Variants in NAV2 observed in about 807,000 individuals in gnomAD.
The protein encoded by NAV2 is helicase, APC down-regulated 1.
NAV2 carries 54 observed loss-of-function variants against 223.2 expected under a neutral mutation model. The ratio of observed to expected loss-of-function variants is 0.24; its 90% CI spans 0.19 to 0.30. The LOEUF (loss-of-function observed/expected upper bound fraction) is 0.30. Ranked by LOEUF, NAV2 falls within the 10% of genes least tolerant of loss-of-function variation. NAV2 has a pLI of 1.00. For synonymous variants in NAV2, 1,279 were observed against 1,239.3 expected (o/e 1.03, Z -0.67); for missense variants, 2,806 against 3,147.5 (o/e 0.89, Z 2.60).
intron 1 of NAV2, among the ~76,000 whole-genome samples, chr11:19,588,657 A>G (rs570553259): frequency 2.0e-3 from 300 of 152,356 alleles, no homozygotes; most frequent in Non-Finnish European, 3.4e-3. Flanking sequence ...AGATCACTGG[A>G]GGCAGAATGA....
chr11:19,430,249 T>A (rs993273353), intron 1 of NAV2, among the ~76,000 whole-genome samples: 1 of 152,184 alleles, frequency 6.6e-6, no homozygotes, highest in African/African-American at 2.4e-5. Context: ...CGCTTGGCCA[T>A]CCAATCACCT....
At chr11:19,903,115 T>C (rs1555134717) in intron 6 of NAV2, among the ~76,000 whole-genome samples, 1 of 152,184 alleles carries the variant, frequency 6.6e-6, no homozygotes, top group Non-Finnish European at 1.5e-5. Context: ...CAGCTTGCCT[T>C]TGTGATTCCA....
intron 1 of NAV2, among the ~76,000 whole-genome samples, chr11:19,367,934 A>G (rs1448441990): frequency 6.6e-6 from 1 of 152,182 alleles, no homozygotes; most frequent in South Asian, 2.1e-4. Context: ...CATTCAATGC[A>G]TTCCTCCTTC....
At chr11:20,029,789 A>C (rs1430800977) in intron 11 of NAV2, among the ~76,000 whole-genome samples, 1 of 152,220 alleles carries the variant, frequency 6.6e-6, no homozygotes, top group Non-Finnish European at 1.5e-5. Flanking sequence ...ATTGGCTAAA[A>C]ATATGTGAAG....
In NAV2 at chr11:19,918,678, A is replaced by G. The variant is rs572236022; in HGVS notation, c.932-14498A>G. Reference sequence around the variant, plus strand: ...TTTGCCCTGATCAAGTGCAGAATCTATATATTTTGTTATCTTGAGTTTGAT... The same window carrying G: ...TTTGCCCTGATCAAGTGCAGAATCTGTATATTTTGTTATCTTGAGTTTGAT... On this transcript the variant is annotated intron_variant, in intron 6 of 37. Coordinates refer to ENST00000349880, the MANE Select transcript of NAV2 (RefSeq NM_145117.5). 1.9e-4 allele frequency among the ~76,000 whole-genome samples: 29 copies of G among 152,294 alleles called. No homozygotes were observed. In the South Asian group the frequency reaches 5.8e-3, roughly 30 times the overall value.
intron 1 of NAV2, among the ~76,000 whole-genome samples, chr11:19,390,390 C>T (rs756542431): frequency 6.6e-6 from 1 of 152,166 alleles, no homozygotes; most frequent in African/African-American, 2.4e-5. Context: ...AAAGCCTAAT[C>T]CTGCTTCCCT....
chr11:19,922,858 C>G (rs554281917), intron 6 of NAV2, among the ~76,000 whole-genome samples: 1 of 152,268 alleles, frequency 6.6e-6, no homozygotes, highest in African/African-American at 2.4e-5. Context: ...GAATGTCATT[C>G]CTGTGTTAAT....
chr11:19,963,264 C>T (rs1031022200), intron 10 of NAV2, among the ~76,000 whole-genome samples: 13 of 152,166 alleles, frequency 8.5e-5, no homozygotes, highest in South Asian at 6.2e-4. Flanking sequence ...TTTCTCGTCC[C>T]AGTTTTACAA....
chr11:19,962,010 A>T (rs78607542), intron 10 of NAV2, among the ~76,000 whole-genome samples: 1 of 151,658 alleles, frequency 6.6e-6, no homozygotes, highest in African/African-American at 2.4e-5. Context: ...TGGTCATGTC[A>T]TTGAGCAAGT....
chr11:19,902,661 T>C (rs1401206587), intron 6 of NAV2, among the ~76,000 whole-genome samples: 2 of 152,214 alleles, frequency 1.3e-5, no homozygotes, highest in Admixed American at 6.5e-5. Flanking sequence ...CACACATACA[T>C]GAATTCAGTT....
At chr11:19,967,624 A>G (rs1565663163) in intron 10 of NAV2, among the ~76,000 whole-genome samples, 1 of 152,168 alleles carries the variant, frequency 6.6e-6, no homozygotes. Context: ...GCCCAAAAGT[A>G]GACCTGTTAA....
chr11:19,531,569 A>G (rs548908864), intron 1 of NAV2, among the ~76,000 whole-genome samples: 9 of 152,366 alleles, frequency 5.9e-5, no homozygotes, highest in Admixed American at 5.9e-4. Flanking sequence ...AAAGGAGTCT[A>G]TGGTAACTCC....
intron 1 of NAV2, among the ~76,000 whole-genome samples, chr11:19,417,550 A>T (rs1482984783): frequency 6.6e-6 from 1 of 152,224 alleles, no homozygotes; most frequent in Admixed American, 6.5e-5. Flanking sequence ...TTCCTCAAGG[A>T]TCTAGAACAA....
At chr11:19,940,410 G>A (rs1376738813) in intron 8 of NAV2, among the ~76,000 whole-genome samples, 2 of 152,168 alleles carry the variant, frequency 1.3e-5, no homozygotes, top group Admixed American at 6.5e-5. Context: ...AATTAAAGAA[G>A]AAAAGTCACA....
intron 8 of NAV2, among the ~76,000 whole-genome samples, chr11:19,945,190 CCCTTCCCTTCCCTTTCTTTCCTTT>C (rs2046828210): frequency 1.3e-5 from 1 of 76,124 alleles, no homozygotes. Flanking sequence ...CCCTTCCCTT[CCCTTCCCTTCCCTTTCTTTCCTTT>C]CCTTCCTTCT....
At chr11:19,423,566 T>C (rs901832806) in intron 1 of NAV2, among the ~76,000 whole-genome samples, 1 of 152,250 alleles carries the variant, frequency 6.6e-6, no homozygotes, top group Non-Finnish European at 1.5e-5. Flanking sequence ...ATTGAGCATC[T>C]ACTCTGTACC....
At chr11:20,096,937 A>G (rs998214003) in intron 30 of NAV2, among the ~76,000 whole-genome samples, 1 of 152,236 alleles carries the variant, frequency 6.6e-6, no homozygotes, top group African/African-American at 2.4e-5. Context: ...TTGGCATCAT[A>G]GTAAGTGAGG....
intron 10 of NAV2, among the ~76,000 whole-genome samples, chr11:19,962,384 T>C (rs116426235): frequency 0.041 from 6,217 of 152,170 alleles, 406 homozygotes; most frequent in African/African-American, 0.14. Flanking sequence ...TATCTGGGTA[T>C]TGTGGCCCAG....
chr11:19,350,072 G>A (rs1001514108), upstream of NAV2, among the ~76,000 whole-genome samples: 5 of 97,240 alleles, frequency 5.1e-5, no homozygotes, highest in East Asian at 8.9e-4. Flanking sequence ...TCATACTATC[G>A]TGCCTTATTC....
Sources: allele counts gnomAD v4.1 joint callset (sites outside exome capture counted in the v4.1 genomes callset), GRCh38; gene constraint gnomAD v4.1.1; transcripts MANE v1.5; gene names NCBI Gene and HGNC (gene_info 2026-07-23, HGNC 2026-07-21).